Variants in DNAAF4 observed in about 807,000 individuals in gnomAD.
DNAAF4 encodes dynein axonemal assembly factor 4, also known as dynein assembly factor 4, axonemal.
A neutral mutation model predicts 51.8 loss-of-function variants in DNAAF4; 43 were observed. The observed-to-expected ratio is 0.83, with a 90% CI of 0.65 to 1.07. The LOEUF is 1.07. Ranked by LOEUF, DNAAF4 falls within the 50% of genes least tolerant of loss-of-function variation. The probability of loss-of-function intolerance (pLI) is 0.00; values close to 1 mark genes in which losing one functional copy is unlikely to be tolerated. For synonymous variants in DNAAF4, 194 were observed against 165.6 expected, an observed-to-expected ratio of 1.17 and a Z score of -1.32; for missense variants, 581 against 493.0, an observed-to-expected ratio of 1.18 and a Z score of -1.69.
intron 1 of DNAAF4, among the ~76,000 whole-genome samples, chr15:55,499,385 A>G (rs770182745): frequency 7.2e-5 from 11 of 152,316 alleles, no homozygotes; most frequent in Non-Finnish European, 1.2e-4. Context: ...GTTCATTTGT[A>G]TAAACGAACC....
At chr15:55,431,173 A>G (rs2057486991) in intron 9 of DNAAF4, among the ~76,000 whole-genome samples, 1 of 152,134 alleles carries the variant, frequency 6.6e-6, no homozygotes, top group South Asian at 2.1e-4. Flanking sequence ...TTGGCCTCCC[A>G]AAGTGCTGGG....
At chr15:55,458,936 C>CGTG (rs1301010676) in intron 5 of DNAAF4, among the ~76,000 whole-genome samples, 7 of 151,942 alleles carry the variant, frequency 4.6e-5, no homozygotes, top group African/African-American at 1.7e-4. Flanking sequence ...ATCAGCCAGG[C>CGTG]GTGGTGGCAG....
chr15:55,420,586 C>T (rs536178807), intron 7 of DNAAF4, among the ~76,000 whole-genome samples: 2 of 152,314 alleles, frequency 1.3e-5, no homozygotes, highest in Non-Finnish European at 2.9e-5. Flanking sequence ...TCATCAACTT[C>T]TTCCAAATAC....
In DNAAF4 at chr15:55,441,562, C is replaced by A. The variant is rs59918927; in HGVS notation, c.784-1981G>T. On this transcript the variant is annotated intron_variant, in intron 6 of 9. Transcript: ENST00000321149. ...GTATCTCCTAATGCTATCCCTCCCCCCTCCCACCACCCCACAACAGGCCCC... is the reference window on the plus strand; with the variant it reads ...GTATCTCCTAATGCTATCCCTCCCCACTCCCACCACCCCACAACAGGCCCC... Among the ~76,000 whole-genome samples, 53 of 151,634 alleles carry A rather than the reference C, an allele frequency of 3.5e-4. No homozygotes were observed. In the East Asian group the frequency reaches 7.2e-3, roughly 21 times the overall value.
downstream of DNAAF4, among the ~76,000 whole-genome samples, chr15:55,427,998 G>A (rs1595886341): frequency 6.6e-6 from 1 of 151,926 alleles, no homozygotes; most frequent in South Asian, 2.1e-4. Flanking sequence ...TGTCACCCAG[G>A]CCGTAGTGCA....
At chr15:55,427,339 T>TACAGG (rs1314626582), downstream of DNAAF4, among the ~76,000 whole-genome samples, 3 of 152,198 alleles carry the variant, frequency 2.0e-5, no homozygotes, top group Admixed American at 1.3e-4. Flanking sequence ...GTGCTGGGAT[T>TACAGG]ACAGGCGTGA....
At chr15:55,442,736 T>A in intron 6 of DNAAF4, 1 of 1,565,532 alleles carries the variant, frequency 6.4e-7, no homozygotes, top group Non-Finnish European at 8.8e-7. Flanking sequence ...ACAAAAAATT[T>A]CTTTCCTTCA....
Position 55,473,198 on chromosome 15 carries a change from A to AAAAAAAT in DNAAF4, c.406-6038_406-6037insATTTTTT, listed in dbSNP as rs1209754897. Among the ~76,000 whole-genome samples the AAAAAAAT allele has an allele frequency of 3.5e-3, 267 of 75,736 alleles. 20 individuals are homozygous for AAAAAAAT. The highest frequency in any genetic ancestry group is 8.3e-3 in the East Asian group (20 of 2,422). The allele number at this position is 75,736 out of a possible 152,430, so 49.7% of individuals were successfully genotyped here. ...ACAAAAAAAAAACCTAAAAAAAAAA[A>AAAAAAAT]ATATATATATATATATATATATATG... On this transcript the variant is annotated intron_variant, in intron 4 of 9. Coordinates refer to ENST00000321149, the MANE Select transcript of DNAAF4 (RefSeq NM_130810.4).
At chr15:55,475,574 C>T (rs910269056) in intron 4 of DNAAF4, among the ~76,000 whole-genome samples, 12 of 152,216 alleles carry the variant, frequency 7.9e-5, no homozygotes, top group Non-Finnish European at 1.6e-4. Flanking sequence ...AGAATACACA[C>T]TGGCTGAGCA....
chr15:55,473,209 A>ATATATG (rs2058283622), intron 4 of DNAAF4, among the ~76,000 whole-genome samples: 1 of 123,520 alleles, frequency 8.1e-6, no homozygotes, highest in Non-Finnish European at 1.7e-5. Flanking sequence ...ATATATATAT[A>ATATATG]TATATATATA....
At chr15:55,426,276 C>T (rs909568340), downstream of DNAAF4, among the ~76,000 whole-genome samples, 4 of 152,192 alleles carry the variant, frequency 2.6e-5, no homozygotes, top group Non-Finnish European at 5.9e-5. Context: ...AATCTTGTAA[C>T]TTCCAACGGC....
rs200856356 is a variant in DNAAF4, at chr15:55,430,729, C to T, written c.1204G>A (p.Val402Ile). 39 of 1,613,164 alleles carry T rather than the reference C, an allele frequency of 2.4e-5. No homozygotes were observed. The African/African-American group carries it at 3.7e-4, about 15-fold the overall frequency. Reference protein sequence around the residue: ...ALKIDPSNKIVQIDAEKIRNV... With the variant: ...ALKIDPSNKIIQIDAEKIRNV... The stretch of plus-strand genomic sequence containing the variant: ...CGAATCTTCTCAGCATCAATTTGTA[C>T]AATTTTGTTGGATGGATCAATCTTA... Residue 402 changes from valine (V) to isoleucine (I), a missense_variant, in exon 10 of 10, where the codon GTA (valine) becomes ATA (isoleucine). Physicochemically the swap from Val to Ile is conservative, Grantham distance 29. Coordinates refer to ENST00000321149, the MANE Select transcript of DNAAF4 (RefSeq NM_130810.4).
chr15:55,439,394 G>T, intron 7 of DNAAF4, 78 bp downstream of exon 7: 1 of 1,249,084 alleles, frequency 8.0e-7, no homozygotes, highest in Non-Finnish European at 1.2e-6. Context: ...ACAGGCATGA[G>T]CCACCATACT....
rs17819126 is a variant in DNAAF4, at chr15:55,497,712, C to A, written c.271G>T (p.Val91Phe). ...AMWETLSVTG[V>F]DKEMMQRIRE... ...GAACATCTTTTAATAAAGAACTTAC[C>A]ACCCGTCACAGAAAGGGTCTCCCAC... Residue 91 changes from valine to phenylalanine, a missense_variant and splice_region_variant, in exon 3 of 10, where the codon GTT becomes TTT. By Grantham distance (50) the Val-to-Phe change is conservative. Transcript: ENST00000321149. 22 of 1,600,004 alleles carry A rather than the reference C, an allele frequency of 1.4e-5. No individual in the cohort carries two copies. The highest frequency in any genetic ancestry group is 1.8e-5 in the Non-Finnish European group (21 of 1,175,550).
chr15:55,491,000 A>G (rs980596143), intron 4 of DNAAF4, 123 bp downstream of exon 4: 5 of 1,148,228 alleles, frequency 4.4e-6, no homozygotes, highest in Non-Finnish European at 6.2e-6. Flanking sequence ...TCTATATAAC[A>G]TAGTAAGTCC....
At chr15:55,464,982 T>C (rs2058147636) in intron 5 of DNAAF4, among the ~76,000 whole-genome samples, 1 of 151,878 alleles carries the variant, frequency 6.6e-6, no homozygotes, top group Non-Finnish European at 1.5e-5. Context: ...CAAACAAATG[T>C]CCAACAAACA....
At chr15:55,499,386 T>C (rs1421773791) in intron 1 of DNAAF4, among the ~76,000 whole-genome samples, 2 of 152,188 alleles carry the variant, frequency 1.3e-5, no homozygotes, top group Admixed American at 6.5e-5. Context: ...TTCATTTGTA[T>C]AAACGAACCT....
At chr15:55,443,342 C>T (rs769506257) in intron 6 of DNAAF4, 42 of 901,608 alleles carry the variant, frequency 4.7e-5, no homozygotes, top group East Asian at 3.1e-4. Flanking sequence ...AGGCGCCTGG[C>T]GCAGCTCCTC....
chr15:55,436,925 A>T (rs560394292), intron 7 of DNAAF4, among the ~76,000 whole-genome samples: 1 of 152,016 alleles, frequency 6.6e-6, no homozygotes, highest in African/African-American at 2.4e-5. Context: ...GGTTCAAGCA[A>T]TTCTCCTGCC....
Sources: allele counts gnomAD v4.1 joint callset (sites outside exome capture counted in the v4.1 genomes callset), GRCh38; gene constraint gnomAD v4.1.1; transcripts MANE v1.5; gene names NCBI Gene and HGNC (gene_info 2026-07-23, HGNC 2026-07-21).